Variants in ARHGAP42 observed in about 807,000 individuals in gnomAD.
The protein encoded by ARHGAP42 is Rho GTPase activating protein 42.
Under a neutral mutation model 125.0 loss-of-function variants are expected in ARHGAP42, and 63 were observed. That is an observed-to-expected ratio of 0.50 (90% CI 0.41 to 0.62). ARHGAP42 has a LOEUF of 0.62. ARHGAP42 is among the 20% of genes least tolerant of loss of function. ARHGAP42 has a pLI of 0.00. For synonymous variants in ARHGAP42, 339 were observed against 351.0 expected (o/e 0.97, Z 0.38); for missense variants, 766 against 1,024.2 (o/e 0.75, Z 3.44).
chr11:100,850,211 A>T (rs1865169460), intron 3 of ARHGAP42, among the ~76,000 whole-genome samples: 1 of 152,216 alleles, frequency 6.6e-6, no homozygotes, highest in Non-Finnish European at 1.5e-5. Context: ...AGATTTTAAT[A>T]GGGAAAATAA....
At chr11:100,942,009 C>G in intron 9 of ARHGAP42, 125 bp downstream of exon 9, 1 of 747,568 alleles carries the variant, frequency 1.3e-6, no homozygotes, top group East Asian at 2.9e-5. Flanking sequence ...AATAGAAGGT[C>G]AAAGGTTTTC....
intron 4 of ARHGAP42, among the ~76,000 whole-genome samples, chr11:100,885,981 A>G (rs1284489830): frequency 3.9e-5 from 6 of 152,202 alleles, no homozygotes; most frequent in Admixed American, 1.3e-4. Context: ...GTAGGTTTGC[A>G]GCCAAGAAGG....
At chr11:100,741,992 G>A (rs1862197568) in intron 1 of ARHGAP42, among the ~76,000 whole-genome samples, 1 of 152,102 alleles carries the variant, frequency 6.6e-6, no homozygotes. Context: ...GGAAACCTTA[G>A]TGATCTCTTT....
At chr11:100,903,700 G>T (rs1866626710) in intron 4 of ARHGAP42, among the ~76,000 whole-genome samples, 1 of 49,010 alleles carries the variant, frequency 2.0e-5, no homozygotes, top group Non-Finnish European at 4.0e-5. Context: ...ATATATACAT[G>T]TCCCTCAAAA....
chr11:100,781,027 A>G (rs1863298703), intron 2 of ARHGAP42, among the ~76,000 whole-genome samples: 1 of 152,168 alleles, frequency 6.6e-6, no homozygotes, highest in African/African-American at 2.4e-5. Flanking sequence ...ATCATTTCTC[A>G]AAGTTCAGCC....
chr11:100,727,429 C>T (rs1482215633), intron 1 of ARHGAP42, among the ~76,000 whole-genome samples: 2 of 152,054 alleles, frequency 1.3e-5, no homozygotes, highest in African/African-American at 4.8e-5. Context: ...ATAGGAGCAT[C>T]GTTTGTTCTC....
intron 21 of ARHGAP42, among the ~76,000 whole-genome samples, chr11:100,977,764 C>T (rs1858430109): frequency 6.6e-6 from 1 of 152,138 alleles, no homozygotes. Flanking sequence ...ATGACGAGAA[C>T]TGATGCTTTT....
intron 4 of ARHGAP42, among the ~76,000 whole-genome samples, chr11:100,872,405 G>C (rs1017248966): frequency 1.3e-5 from 2 of 151,578 alleles, no homozygotes; most frequent in African/African-American, 4.9e-5. Context: ...TGTTGTTGTT[G>C]TTTGTTTTGA....
intron 3 of ARHGAP42, among the ~76,000 whole-genome samples, chr11:100,840,370 C>T (rs1413852679): frequency 1.3e-5 from 2 of 152,094 alleles, no homozygotes; most frequent in African/African-American, 2.4e-5. Flanking sequence ...TTCAGCATTT[C>T]CTCTCAGAGG....
At chr11:100,762,445 G>C (rs1862727362) in intron 1 of ARHGAP42, among the ~76,000 whole-genome samples, 1 of 152,128 alleles carries the variant, frequency 6.6e-6, no homozygotes, top group Non-Finnish European at 1.5e-5. Flanking sequence ...GTTTCTCAAG[G>C]CCTTCAAGGA....
At chr11:100,939,238 C>G (rs1273440790) in intron 8 of ARHGAP42, among the ~76,000 whole-genome samples, 1 of 152,046 alleles carries the variant, frequency 6.6e-6, no homozygotes, top group African/African-American at 2.4e-5. Flanking sequence ...CAATAGTTTT[C>G]TGAGCTCAGT....
At chr11:100,730,925 A>G (rs1861946502) in intron 1 of ARHGAP42, among the ~76,000 whole-genome samples, 1 of 152,236 alleles carries the variant, frequency 6.6e-6, no homozygotes, top group South Asian at 2.1e-4. Context: ...GAAAGAGTAC[A>G]GTAAAAATAC....
chr11:100,751,277 G>GTTTTTTTTTT (rs756243174), intron 1 of ARHGAP42, among the ~76,000 whole-genome samples: 3 of 121,622 alleles, frequency 2.5e-5, no homozygotes, highest in Admixed American at 8.4e-5. Context: ...GTGTGTGTGT[G>GTTTTTTTTTT]TGTTTTTTTT....
chr11:100,808,018 T>C (rs1405140641), intron 3 of ARHGAP42, among the ~76,000 whole-genome samples: 1 of 151,934 alleles, frequency 6.6e-6, no homozygotes, highest in Non-Finnish European at 1.5e-5. Context: ...AGTGTGTAAC[T>C]GTCCCTTAAA....
intron 4 of ARHGAP42, among the ~76,000 whole-genome samples, chr11:100,912,534 C>T (rs1045392701): frequency 6.6e-6 from 1 of 152,062 alleles, no homozygotes; most frequent in Non-Finnish European, 1.5e-5. Flanking sequence ...AGGAGTAGTA[C>T]TTCTTTGGCC....
chr11:100,757,242 T>C (rs1862598372), intron 1 of ARHGAP42, among the ~76,000 whole-genome samples: 1 of 152,156 alleles, frequency 6.6e-6, no homozygotes, highest in African/African-American at 2.4e-5. Context: ...AAAAGGAACA[T>C]CCATAGTTAT....
At position 100,795,678 on chromosome 11, in the gene ARHGAP42, C is replaced by T. The variant is rs1863693431; in HGVS notation, c.312+512C>T. Among the ~76,000 whole-genome samples the T allele has an allele frequency of 2.0e-5, 3 of 152,272 alleles. No individual in the cohort carries two copies. The South Asian group carries it at 6.2e-4, about 32-fold the overall frequency. Reference sequence around the variant, plus strand: ...ATGAATATATGCAAAGGTATTAGAGCATAGTTATTGGTGAAACACTTATCC... The same window carrying T: ...ATGAATATATGCAAAGGTATTAGAGTATAGTTATTGGTGAAACACTTATCC... On this transcript the variant is annotated intron_variant, in intron 3 of 23. Transcript: ENST00000298815.
chr11:100,895,535 G>T (rs537590972), intron 4 of ARHGAP42, among the ~76,000 whole-genome samples: 2 of 149,552 alleles, frequency 1.3e-5, no homozygotes, highest in African/African-American at 4.9e-5. Context: ...CAAAGATCAA[G>T]GGAGGAGGGT....
At chr11:100,951,309 G>A (rs1857641891) in intron 12 of ARHGAP42, among the ~76,000 whole-genome samples, 1 of 152,060 alleles carries the variant, frequency 6.6e-6, no homozygotes, top group Non-Finnish European at 1.5e-5. Context: ...CAAGGAAAGT[G>A]ATTAGTATAA....
Sources: gnomAD v4.1 joint callset for allele counts (sites outside exome capture counted in the v4.1 genomes callset) on GRCh38, gnomAD v4.1.1 for gene constraint, MANE v1.5 for transcripts, NCBI Gene and HGNC (gene_info 2026-07-23, HGNC 2026-07-21) for gene names.